SAMD12: variants seen among roughly 807,000 people sequenced by gnomAD.
SAMD12 encodes sterile alpha motif domain-containing protein 12.
Under a neutral mutation model 15.0 loss-of-function variants are expected in SAMD12, and 9 were observed. The ratio of observed to expected loss-of-function variants is 0.60; its 90% CI spans 0.36 to 1.05. SAMD12 has a LOEUF of 1.05. SAMD12 is among the 50% of genes least tolerant of loss of function. The probability of loss-of-function intolerance (pLI) is 0.01; values close to 1 mark genes in which losing one functional copy is unlikely to be tolerated. For missense variants in SAMD12, 230 were observed against 234.2 expected, an observed-to-expected ratio of 0.98 and a Z score of 0.12; for synonymous variants, 86 against 90.1, an observed-to-expected ratio of 0.96 and a Z score of 0.25.
At chr8:118,433,162 A>G (rs553883136) in intron 3 of SAMD12, among the ~76,000 whole-genome samples, 41 of 152,176 alleles carry the variant, frequency 2.7e-4, no homozygotes, top group Non-Finnish European at 5.7e-4. Context: ...CTACTCATTC[A>G]GCCCAGTCCC....
intron 4 of SAMD12, among the ~76,000 whole-genome samples, chr8:118,333,893 A>ATG (rs113855115): frequency 0.041 from 3,589 of 87,120 alleles, 98 homozygotes; most frequent in Middle Eastern, 0.12. Context: ...GGTGGGGGAT[A>ATG]TGTGTGTGTG....
At chr8:118,165,031 A>G in the SAMD12 span, among the ~76,000 whole-genome samples, 2 of 150,688 alleles carry the variant, frequency 1.3e-5, no homozygotes, top group South Asian at 4.2e-4. Flanking sequence ...GATTCTCTGC[A>G]GACAGCAAGG....
At chr8:118,375,047 TG>T (rs773121966), downstream of SAMD12, among the ~76,000 whole-genome samples, 10 of 152,080 alleles carry the variant, frequency 6.6e-5, no homozygotes, top group Non-Finnish European at 1.3e-4. Flanking sequence ...TTTTGCCTAG[TG>T]GGGGTAGTTG....
Position 118,379,427 on chromosome 8 carries a change from A to T in SAMD12, c.596T>A (p.Ile199Lys), listed in dbSNP as rs754562447. 7.4e-6 allele frequency: 12 copies of T among 1,613,184 alleles called. No individual in the cohort carries two copies. The Admixed American group carries it at 1.8e-4, about 25-fold the overall frequency. Residue 199 changes from isoleucine to lysine, a missense_variant, in exon 4 of 4, where the codon ATA becomes AAA. Physicochemically the swap from Ile to Lys is moderately radical, Grantham distance 102. Transcript: ENST00000314727. The stretch of plus-strand genomic sequence containing the variant: ...CAAAGGGAAGTAATCTTAAATCTGT[A>T]TACTATTTTCTATGATGGAAATTCT... ...LHRISIIENS[I>K]QI
chr8:118,589,966 T>C lies in SAMD12; in HGVS notation c.14-9073A>G, dbSNP rs904593155. Among the ~76,000 whole-genome samples the C allele has an allele frequency of 1.3e-5, 2 of 152,220 alleles. 1 individual carries two copies. Among genetic ancestry groups the C allele is most frequent in the South Asian group, 4.1e-4 (2 of 4,822 alleles). ...ATGGACATTATATATGAGACAAACA[T>C]AAGACAACTGAATGGTAAAGAGAAG... On this transcript the variant is annotated intron_variant, in intron 1 of 3. Transcript: ENST00000314727.
At chr8:118,244,957 T>C (rs567207753) in intron 4 of SAMD12, among the ~76,000 whole-genome samples, 2 of 152,218 alleles carry the variant, frequency 1.3e-5, no homozygotes, top group Admixed American at 1.3e-4. Context: ...GCACACATTC[T>C]CAATAGGGTT....
intron 3 of SAMD12, among the ~76,000 whole-genome samples, chr8:118,433,068 G>A (rs937616653): frequency 1.3e-5 from 2 of 152,170 alleles, no homozygotes; most frequent in Non-Finnish European, 2.9e-5. Flanking sequence ...TTGTAAGGGG[G>A]ACACTCAGCC....
intron 4 of SAMD12, among the ~76,000 whole-genome samples, chr8:118,293,839 T>G (rs1302699416): frequency 6.6e-6 from 1 of 152,160 alleles, no homozygotes; most frequent in Admixed American, 6.5e-5. Flanking sequence ...GGATAAGATG[T>G]GGCAGGAAGA....
chr8:118,403,439 C>T (rs1171363604), intron 3 of SAMD12, among the ~76,000 whole-genome samples: 1 of 151,888 alleles, frequency 6.6e-6, no homozygotes, highest in Admixed American at 6.6e-5. Context: ...GATTTAAATT[C>T]TAGCTGTTTC....
intron 4 of SAMD12, among the ~76,000 whole-genome samples, chr8:118,347,125 C>G (rs976897658): frequency 6.6e-6 from 1 of 152,162 alleles, no homozygotes. Flanking sequence ...GACAGGGTCT[C>G]GCTGTGTAGC....
intron 1 of SAMD12, among the ~76,000 whole-genome samples, chr8:118,604,420 A>C (rs1827938475): frequency 6.6e-6 from 1 of 152,230 alleles, no homozygotes. Context: ...TAGTGGTTGA[A>C]TGTAAGAGCC....
chr8:118,529,497 T>C (rs7832210), intron 2 of SAMD12, among the ~76,000 whole-genome samples: 7,839 of 152,264 alleles, frequency 0.051, 646 homozygotes, highest in African/African-American at 0.17. Flanking sequence ...ATCACCCAAA[T>C]AGTGTACATT....
intron 3 of SAMD12, among the ~76,000 whole-genome samples, chr8:118,386,915 G>A (rs1375758045): frequency 6.6e-6 from 1 of 152,200 alleles, no homozygotes; most frequent in Admixed American, 6.5e-5. Context: ...CATGTGGTTG[G>A]GGGGTGCCAC....
At chr8:118,425,187 C>G (rs1014975677) in intron 3 of SAMD12, among the ~76,000 whole-genome samples, 1 of 152,170 alleles carries the variant, frequency 6.6e-6, no homozygotes, top group Non-Finnish European at 1.5e-5. Flanking sequence ...ATCTGCCCGC[C>G]TTGGCCTCCC....
intron 2 of SAMD12, among the ~76,000 whole-genome samples, chr8:118,522,598 A>G (rs1316308483): frequency 6.6e-6 from 1 of 152,224 alleles, no homozygotes; most frequent in East Asian, 1.9e-4. Context: ...TAATCTATTT[A>G]GGACAATTGC....
rs530840487 is a variant in SAMD12 at position 118,304,162 on chromosome 8, C to G, written c.433+75398G>C. Among the ~76,000 whole-genome samples the G allele has an allele frequency of 4.6e-5, 7 of 152,310 alleles. No individual in the cohort carries two copies. The South Asian group carries it at 1.4e-3, about 32-fold the overall frequency. On this transcript the variant is annotated intron_variant, in intron 4 of 4. Transcript: ENST00000409003. ...AGGTGCTCCCTATAAAGAGAGGACACTCGATTCTTCCTGAATTTTTTATTT... is the reference window on the plus strand; with the variant it reads ...AGGTGCTCCCTATAAAGAGAGGACAGTCGATTCTTCCTGAATTTTTTATTT...
intron 4 of SAMD12, among the ~76,000 whole-genome samples, chr8:118,225,766 T>G (rs1240223602): frequency 6.6e-6 from 1 of 152,180 alleles, no homozygotes; most frequent in East Asian, 1.9e-4. Flanking sequence ...TCAATTCATA[T>G]GCAGGGACAG....
chr8:118,157,722 A>G, the SAMD12 span, among the ~76,000 whole-genome samples: 1 of 152,212 alleles, frequency 6.6e-6, no homozygotes, highest in African/African-American at 2.4e-5. Flanking sequence ...AACAGAAAAT[A>G]AAGGATGAAA....
intron 4 of SAMD12, among the ~76,000 whole-genome samples, chr8:118,327,482 C>T (rs940023704): frequency 1.3e-5 from 2 of 152,152 alleles, no homozygotes; most frequent in African/African-American, 4.8e-5. Context: ...AGTTACTCCA[C>T]ATGGGATTGT....
Sources: gnomAD v4.1 joint callset for allele counts (sites outside exome capture counted in the v4.1 genomes callset) on GRCh38, gnomAD v4.1.1 for gene constraint, MANE v1.5 for transcripts, NCBI Gene and HGNC (gene_info 2026-07-23, HGNC 2026-07-21) for gene names.